The following NAPEPLD variants were observed in gnomAD, a reference collection of about 807,000 sequenced individuals.
The protein encoded by NAPEPLD is N-acyl phosphatidylethanolamine phospholipase D.
NAPEPLD carries 23 observed loss-of-function variants against 38.1 expected under a neutral mutation model. That is an observed-to-expected ratio of 0.60 (90% CI 0.43 to 0.86). NAPEPLD has a LOEUF of 0.86. Among genes scored for constraint, NAPEPLD ranks in the 40% least tolerant of loss-of-function variants. NAPEPLD has a pLI of 0.00. For missense variants in NAPEPLD, 411 were observed against 476.8 expected, an observed-to-expected ratio of 0.86 and a Z score of 1.28; for synonymous variants, 147 against 162.0, an observed-to-expected ratio of 0.91 and a Z score of 0.71.
At chr7:103,146,761 T>C (rs1812645705) in intron 1 of NAPEPLD, among the ~76,000 whole-genome samples, 2 of 152,142 alleles carry the variant, frequency 1.3e-5, no homozygotes, top group African/African-American at 4.8e-5. Flanking sequence ...TTTCGCTTCA[T>C]TGGAACCCCG....
At chr7:103,137,036 T>G (rs573277011) in intron 1 of NAPEPLD, among the ~76,000 whole-genome samples, 2 of 152,270 alleles carry the variant, frequency 1.3e-5, no homozygotes, top group East Asian at 3.9e-4. Context: ...ACCTCCCAGA[T>G]TCAAGTGATT....
At chr7:103,143,761 C>G (rs947687078) in intron 1 of NAPEPLD, among the ~76,000 whole-genome samples, 1 of 152,226 alleles carries the variant, frequency 6.6e-6, no homozygotes, top group Non-Finnish European at 1.5e-5. Flanking sequence ...CAAATCACAA[C>G]AAATTAATCC....
At chr7:103,148,030 A>G in intron 1 of NAPEPLD, 1 of 984,588 alleles carries the variant, frequency 1.0e-6, no homozygotes, top group Non-Finnish European at 1.2e-6. Context: ...GGATATAGGT[A>G]ATCTTCTTTT....
rs1382138858 is a variant in NAPEPLD at position 103,100,680 on chromosome 7, C to CTGA, written c.*2746_*2748dup. ...AATGAAGTTGACTTAGAGGATAAGA[C>CTGA]TGATTAAAAGACACTACAATGCATA... On this transcript the variant is annotated 3_prime_UTR_variant, in exon 5 of 5. Transcript: ENST00000465647. 1 of 152,140 alleles carries CTGA rather than the reference C, an allele frequency of 6.6e-6. No individual in the cohort carries two copies. The highest frequency in any genetic ancestry group is 1.5e-5 in the Non-Finnish European group (1 of 68,030). The allele number at this position is 152,140 out of a possible 1,614,324, so 9.4% of individuals were successfully genotyped here.
intron 4 of NAPEPLD, among the ~76,000 whole-genome samples, chr7:103,112,002 A>G (rs907530334): frequency 6.6e-6 from 1 of 152,240 alleles, no homozygotes; most frequent in African/African-American, 2.4e-5. Flanking sequence ...CATATGAAAA[A>G]AAAAACTCAT....
intron 1 of NAPEPLD, among the ~76,000 whole-genome samples, chr7:103,139,662 A>C (rs756473594): frequency 2.0e-5 from 3 of 152,230 alleles, no homozygotes; most frequent in Non-Finnish European, 2.9e-5. Flanking sequence ...TGATTCACTC[A>C]CAAATGAATT....
rs1435834831 is a variant in NAPEPLD, at chr7:103,128,537, A to G, written c.240T>C (p.Val80=). The G allele has an allele frequency of 6.8e-6, 11 of 1,614,246 alleles. No homozygotes were observed. The highest frequency in any genetic ancestry group is 3.3e-4 in the Middle Eastern group (2 of 6,062). ...PTWKNPSIPN[V]LRWLIMEKDH... is the part of the protein sequence containing the mutation. ...CTTTCTCCATTATCAGCCATCTGAG[A>G]ACATTTGGAATAGAGGGGTTTTTCC... Residue 80 remains valine, a synonymous_variant, in exon 2 of 5, where the codon GTT becomes GTC. Coordinates refer to ENST00000465647, the MANE Select transcript of NAPEPLD (RefSeq NM_001122838.3).
At chr7:103,105,778 C>G (rs1803187330) in intron 4 of NAPEPLD, among the ~76,000 whole-genome samples, 1 of 151,892 alleles carries the variant, frequency 6.6e-6, no homozygotes, top group Admixed American at 6.6e-5. Context: ...ACTAAAAATA[C>G]AAAAATTAGC....
chr7:103,103,434 A>C lies in NAPEPLD; in HGVS notation c.1177T>G (p.Phe393Val), dbSNP rs749411728. 2 of 1,556,302 alleles carry C rather than the reference A, an allele frequency of 1.3e-6. No homozygotes were observed. The highest frequency in any genetic ancestry group is 2.2e-5 in the Admixed American group (1 of 45,178). The change falls in exon 5 of 5, where the codon TTT (phenylalanine) becomes GTT (valine). Residue 393 changes from phenylalanine (F) to valine (V), a missense_variant. Physicochemically the swap from Phe to Val is conservative, Grantham distance 50. Coordinates refer to ENST00000465647, the MANE Select transcript of NAPEPLD (RefSeq NM_001122838.3). ...SRYLNNDDEN[F>V] ...AGTGCCTGTGCTCACATTTATTAAA[A>C]GTTTTCATCATCATTATTTAGGTAT...
chr7:103,128,410 T>G, intron 2 of NAPEPLD, 73 bp downstream of exon 2: 1 of 1,536,528 alleles, frequency 6.5e-7, no homozygotes, highest in Non-Finnish European at 8.9e-7. Flanking sequence ...CCTTATGATA[T>G]ACAAGGGCTC....
intron 2 of NAPEPLD, among the ~76,000 whole-genome samples, chr7:103,125,452 A>C (rs1408832270): frequency 6.6e-6 from 1 of 152,220 alleles, no homozygotes; most frequent in Non-Finnish European, 1.5e-5. Flanking sequence ...CACTGTTAAC[A>C]TTATGATCTG....
chr7:103,120,429 ATCT>A (rs758201019), intron 2 of NAPEPLD, among the ~76,000 whole-genome samples: 4 of 152,134 alleles, frequency 2.6e-5, no homozygotes, highest in Non-Finnish European at 5.9e-5. Flanking sequence ...TAATATGGTA[ATCT>A]TCTTCCTCCC....
Position 103,119,926 on chromosome 7 carries a change from C to T in NAPEPLD, c.592G>A (p.Ala198Thr). 6 of 1,614,186 alleles carry T rather than the reference C, an allele frequency of 3.7e-6. No individual in the cohort carries two copies. Among genetic ancestry groups the T allele is most frequent in the Non-Finnish European group, 5.1e-6 (6 of 1,180,040 alleles). ...YDHLDYNSVI[A>T]LNERFGNELR... ...TCATTACCAAATCGCTCATTCAAAG[C>T]AATGACAGAATTGTAGTCCAGATGG... is the stretch of plus-strand genomic sequence containing the variant. The change falls in exon 3 of 5, where the codon GCT becomes ACT. Residue 198 changes from alanine to threonine, a missense_variant. Coordinates refer to ENST00000465647, the MANE Select transcript of NAPEPLD (RefSeq NM_001122838.3).
upstream of NAPEPLD, chr7:103,149,677 C>T (rs756428942): frequency 2.1e-5 from 6 of 286,626 alleles, no homozygotes; most frequent in Non-Finnish European, 4.0e-5. Context: ...CCTCGCGACT[C>T]AAACACTCTG....
intron 1 of NAPEPLD, among the ~76,000 whole-genome samples, chr7:103,148,532 C>T (rs1229322631): frequency 6.6e-6 from 1 of 151,094 alleles, no homozygotes; most frequent in Non-Finnish European, 1.5e-5. Flanking sequence ...TCTGAAAAGC[C>T]CACAATAATA....
rs993249468 is a variant in NAPEPLD, at chr7:103,149,073, T to C, written c.-279A>G. 35 of 984,970 alleles carry C rather than the reference T, an allele frequency of 3.6e-5. No individual in the cohort carries two copies. Among genetic ancestry groups the C allele is most frequent in the Admixed American group, 6.2e-5 (1 of 16,232 alleles). 61.0% of individuals were successfully genotyped at this position (984,970 alleles called of 1,614,324 possible). ...AGCCCGCTCCACTTCGCCGAAGAAT[T>C]CCAAACCACCCCAGGCTCAGCAGTG... On this transcript the variant is annotated 5_prime_UTR_variant, in exon 1 of 5. Transcript: ENST00000465647.
chr7:103,137,695 A>T (rs1050859086), intron 1 of NAPEPLD, among the ~76,000 whole-genome samples: 1 of 152,032 alleles, frequency 6.6e-6, no homozygotes, highest in African/African-American at 2.4e-5. Flanking sequence ...GCGCATCTGT[A>T]GTCCCAGCTA....
chr7:103,132,669 C>G (rs979735725), intron 1 of NAPEPLD, among the ~76,000 whole-genome samples: 1 of 152,020 alleles, frequency 6.6e-6, no homozygotes, highest in African/African-American at 2.4e-5. Flanking sequence ...TGTGGTGTTG[C>G]AGGCCTGTAG....
intron 1 of NAPEPLD, among the ~76,000 whole-genome samples, chr7:103,147,406 T>C (rs529935039): frequency 1.4e-4 from 22 of 152,346 alleles, no homozygotes; most frequent in South Asian, 4.1e-4. Context: ...CCTCCAGCTA[T>C]AGCTATATTC....
Sources: allele counts gnomAD v4.1 joint callset (sites outside exome capture counted in the v4.1 genomes callset), GRCh38; gene constraint gnomAD v4.1.1; transcripts MANE v1.5; gene names NCBI Gene and HGNC (gene_info 2026-07-23, HGNC 2026-07-21).